The following HDAC9 variants were observed in gnomAD, a reference collection of about 807,000 sequenced individuals.
The protein encoded by HDAC9 is histone deacetylase 9, also known as MEF-2 interacting transcription repressor (MITR) protein.
A neutral mutation model predicts 139.4 loss-of-function variants in HDAC9; 41 were observed. The ratio of observed to expected loss-of-function variants is 0.29; its 90% CI spans 0.23 to 0.38. The LOEUF is 0.38. HDAC9 is among the 10% of genes least tolerant of loss of function. The pLI, the probability that HDAC9 is intolerant of heterozygous loss-of-function variation, is 1.00. For synonymous variants in HDAC9, 517 were observed against 476.2 expected, an observed-to-expected ratio of 1.09 and a Z score of -1.12; for missense variants, 1,147 against 1,297.0, an observed-to-expected ratio of 0.88 and a Z score of 1.78.
intron 22 of HDAC9, among the ~76,000 whole-genome samples, chr7:18,922,282 G>A (rs1803825995): frequency 6.6e-6 from 1 of 151,888 alleles, no homozygotes; most frequent in South Asian, 2.1e-4. Flanking sequence ...ACAAGACACT[G>A]TGCTAAATTA....
chr7:18,394,851 G>T (rs1472826934), intron 1 of HDAC9, among the ~76,000 whole-genome samples: 2 of 151,996 alleles, frequency 1.3e-5, no homozygotes, highest in African/African-American at 4.8e-5. Flanking sequence ...ACACTATGCA[G>T]GCCAATCAGC....
chr7:18,451,368 C>CATGTGT (rs1554422576), intron 1 of HDAC9, among the ~76,000 whole-genome samples: 63 of 138,800 alleles, frequency 4.5e-4, no homozygotes, highest in South Asian at 2.5e-4. Flanking sequence ...TGTATATGTG[C>CATGTGT]GTGTGTGTGT....
At chr7:18,674,539 T>G (rs1781379497) in intron 12 of HDAC9, among the ~76,000 whole-genome samples, 2 of 152,028 alleles carry the variant, frequency 1.3e-5, no homozygotes, top group South Asian at 2.1e-4. Context: ...GTCTTTTTGG[T>G]TTTTGAGGTC....
At chr7:18,917,109 A>G (rs181897877) in intron 22 of HDAC9, among the ~76,000 whole-genome samples, 2 of 152,190 alleles carry the variant, frequency 1.3e-5, no homozygotes, top group Admixed American at 1.3e-4. Flanking sequence ...GACAGAAAAT[A>G]GTAAACATGA....
At chr7:18,186,687 C>G (rs1340976542) in intron 2 of HDAC9, among the ~76,000 whole-genome samples, 2 of 152,180 alleles carry the variant, frequency 1.3e-5, no homozygotes, top group African/African-American at 4.8e-5. Flanking sequence ...AGTCACTCAA[C>G]TTTTCTGAAT....
intron 2 of HDAC9, chr7:18,578,099 C>T (rs897312688): frequency 9.6e-6 from 5 of 518,164 alleles, no homozygotes; most frequent in African/African-American, 5.8e-5. Flanking sequence ...CCAGAGTGCT[C>T]TGCTCCAGAC....
intron 1 of HDAC9, among the ~76,000 whole-genome samples, chr7:18,435,448 A>C (rs1051717354): frequency 2.0e-5 from 3 of 152,144 alleles, no homozygotes; most frequent in African/African-American, 7.2e-5. Context: ...GACTATGGTA[A>C]CTAGGGTCAA....
At chr7:18,391,387 C>G (rs961498398) in intron 1 of HDAC9, among the ~76,000 whole-genome samples, 3 of 151,494 alleles carry the variant, frequency 2.0e-5, no homozygotes, top group Non-Finnish European at 4.4e-5. Context: ...GCCATCCCCC[C>G]CCCAAAAAAA....
At chr7:18,275,058 G>T (rs1193478369) in intron 2 of HDAC9, among the ~76,000 whole-genome samples, 3 of 152,154 alleles carry the variant, frequency 2.0e-5, no homozygotes, top group Non-Finnish European at 4.4e-5. Flanking sequence ...AGATGATCTG[G>T]TAGCCTTCTA....
At chr7:18,382,889 GTGTA>G (rs1020546376) in intron 1 of HDAC9, among the ~76,000 whole-genome samples, 8 of 152,154 alleles carry the variant, frequency 5.3e-5, no homozygotes, top group African/African-American at 1.9e-4. Flanking sequence ...GTGTATGAGT[GTGTA>G]TGTATATGTA....
chr7:18,177,073 A>T (rs1277706569), intron 2 of HDAC9, among the ~76,000 whole-genome samples: 1 of 152,202 alleles, frequency 6.6e-6, no homozygotes, highest in Non-Finnish European at 1.5e-5. Flanking sequence ...TTCTGTTGGG[A>T]GAACTGATAA....
intron 3 of HDAC9, among the ~76,000 whole-genome samples, chr7:18,586,599 A>C (rs941698200): frequency 5.9e-5 from 9 of 151,856 alleles, no homozygotes; most frequent in Admixed American, 3.3e-4. Context: ...GTTTCTAAGG[A>C]AGTAAAAATG....
chr7:18,650,892 C>T (rs964451586), intron 11 of HDAC9, among the ~76,000 whole-genome samples: 1 of 152,172 alleles, frequency 6.6e-6, no homozygotes, highest in African/African-American at 2.4e-5. Context: ...GTTGGCTTTT[C>T]TCCAAGGATG....
intron 13 of HDAC9, among the ~76,000 whole-genome samples, chr7:18,732,997 G>A (rs551912694): frequency 2.3e-4 from 32 of 141,462 alleles, no homozygotes; most frequent in Admixed American, 1.4e-3. Flanking sequence ...GTGTGTATGT[G>A]TATATACACA....
chr7:18,320,017 A>G (rs751359450), intron 1 of HDAC9, among the ~76,000 whole-genome samples: 2 of 152,220 alleles, frequency 1.3e-5, no homozygotes, highest in African/African-American at 2.4e-5. Context: ...GGTGGTGGGA[A>G]CTAAAGATTT....
intron 2 of HDAC9, among the ~76,000 whole-genome samples, chr7:18,253,322 T>C (rs1363117983): frequency 6.6e-6 from 1 of 150,486 alleles, no homozygotes; most frequent in Non-Finnish European, 1.5e-5. Flanking sequence ...ATTTGAGGAA[T>C]TGCCACACTG....
At chr7:18,709,894 G>C (rs537999633) in intron 12 of HDAC9, among the ~76,000 whole-genome samples, 241 of 152,102 alleles carry the variant, frequency 1.6e-3, no homozygotes, top group African/African-American at 5.6e-3. Flanking sequence ...GTTCTGCCAG[G>C]GTCCTCCTAC....
intron 2 of HDAC9, among the ~76,000 whole-genome samples, chr7:18,537,761 T>C (rs1002666468): frequency 6.6e-6 from 1 of 152,194 alleles, no homozygotes; most frequent in Admixed American, 6.5e-5. Flanking sequence ...TGCGGGAGAA[T>C]AGTTAAGTTC....
intron 1 of HDAC9, among the ~76,000 whole-genome samples, chr7:18,090,321 A>G (rs1031261018): frequency 6.6e-5 from 10 of 152,194 alleles, no homozygotes; most frequent in Non-Finnish European, 7.3e-5. Flanking sequence ...TCATCTTTAT[A>G]CATGTGCAGA....
Sources: allele counts gnomAD v4.1 joint callset (sites outside exome capture counted in the v4.1 genomes callset), GRCh38; gene constraint gnomAD v4.1.1; transcripts MANE v1.5; gene names NCBI Gene and HGNC (gene_info 2026-07-23, HGNC 2026-07-21).